Variants in HMGB1 observed in about 807,000 individuals in gnomAD.
The protein encoded by HMGB1 is high mobility group box 1.
For synonymous variants in HMGB1, 81 were observed against 84.0 expected (o/e 0.96, Z 0.19); for missense variants, 79 against 253.5 (o/e 0.31, Z 4.67).
rs550569536 is a variant in HMGB1, at chr13:30,503,600, C to T, written c.-14-39906G>A. 2.7e-5 allele frequency among the ~76,000 whole-genome samples: 4 copies of T among 147,894 alleles called. No individual in the cohort carries two copies. The South Asian group carries it at 6.4e-4, about 24-fold the overall frequency. On this transcript the variant is annotated intron_variant, in intron 1 of 4. Coordinates refer to the HMGB1 transcript ENST00000405805. Reference sequence around the variant, plus strand: ...TTGTTTAATTAGCCATCTTCATTTGCGGCTGCTATAATACAATTCTGTAGG... The same window carrying T: ...TTGTTTAATTAGCCATCTTCATTTGTGGCTGCTATAATACAATTCTGTAGG...
Position 30,493,654 on chromosome 13 carries a change from C to G in HMGB1, c.-14-29960G>C, listed in dbSNP as rs112049799. Among the ~76,000 whole-genome samples, 3 of 152,054 alleles carry G rather than the reference C, an allele frequency of 2.0e-5. No individual in the cohort carries two copies. In the South Asian group the frequency reaches 6.2e-4, roughly 32 times the overall value. ...ACAAAAATAAAAATGAAAAAATTAG[C>G]CAGGCGAGGCGCACACGCCTGTGGT... On this transcript the variant is annotated intron_variant, in intron 1 of 4. Coordinates refer to the HMGB1 transcript ENST00000405805.
intron 1 of HMGB1, among the ~76,000 whole-genome samples, chr13:30,506,829 TG>T (rs1887880063): frequency 6.6e-6 from 1 of 152,112 alleles, no homozygotes; most frequent in South Asian, 2.1e-4. Context: ...CACAGCTGTG[TG>T]GGTATCACCC....
At chr13:30,581,739 A>C (rs1047534280) in intron 1 of HMGB1, among the ~76,000 whole-genome samples, 1 of 152,156 alleles carries the variant, frequency 6.6e-6, no homozygotes, top group Non-Finnish European at 1.5e-5. Flanking sequence ...GAGGAGGGAG[A>C]CACCTGCAGG....
chr13:30,514,960 G>A (rs1463307483), intron 1 of HMGB1, among the ~76,000 whole-genome samples: 1 of 152,158 alleles, frequency 6.6e-6, no homozygotes, highest in Non-Finnish European at 1.5e-5. Flanking sequence ...TATGACGAGA[G>A]TTGACTCCCA....
chr13:30,471,618 G>A (rs1393926095), intron 1 of HMGB1, among the ~76,000 whole-genome samples: 5 of 130,266 alleles, frequency 3.8e-5, no homozygotes, highest in African/African-American at 1.4e-4. Flanking sequence ...GCCTCCCAAA[G>A]TGCTGGGATT....
chr13:30,505,872 A>G (rs1333142990), intron 1 of HMGB1, among the ~76,000 whole-genome samples: 2 of 151,944 alleles, frequency 1.3e-5, no homozygotes, highest in African/African-American at 4.8e-5. Flanking sequence ...TGAGGACATC[A>G]AGTAGACAGT....
At position 30,550,226 on chromosome 13, in the gene HMGB1, G is replaced by GTCA. The variant is rs113273628; in HGVS notation, c.-15+66442_-15+66444dup. ...AGGAGCTATGACATCCTTTTAGGAA[G>GTCA]TCATGTATGTTCATTTGTCCATTTG... On this transcript the variant is annotated intron_variant, in intron 1 of 4. Coordinates refer to the HMGB1 transcript ENST00000405805. 9.1e-3 allele frequency among the ~76,000 whole-genome samples: 1,377 copies of GTCA among 152,090 alleles called. 21 individuals carry two copies. The highest frequency in any genetic ancestry group is 0.031 in the African/African-American group (1,301 of 41,402).
chr13:30,471,626 A>AT (rs1191688872), intron 1 of HMGB1, among the ~76,000 whole-genome samples: 4 of 112,774 alleles, frequency 3.5e-5, no homozygotes, highest in African/African-American at 1.3e-4. Context: ...AAGTGCTGGG[A>AT]TTACAGGCAT....
intron 1 of HMGB1, among the ~76,000 whole-genome samples, chr13:30,536,825 T>A (rs1258079453): frequency 6.6e-6 from 1 of 152,132 alleles, no homozygotes; most frequent in Non-Finnish European, 1.5e-5. Context: ...GTCACCATAC[T>A]CTCCAACAGA....
At chr13:30,520,129 C>T (rs1454950347) in intron 1 of HMGB1, among the ~76,000 whole-genome samples, 4 of 152,178 alleles carry the variant, frequency 2.6e-5, no homozygotes, top group Non-Finnish European at 5.9e-5. Context: ...CGAGACCAGC[C>T]TGGCCAACAC....
At chr13:30,549,596 T>C (rs1869326875) in intron 1 of HMGB1, among the ~76,000 whole-genome samples, 1 of 152,124 alleles carries the variant, frequency 6.6e-6, no homozygotes, top group African/African-American at 2.4e-5. Context: ...GGCTTCACTA[T>C]GTTGCCCGGG....
rs963604906 is a variant in HMGB1, at chr13:30,461,160, T to C, written c.*197A>G. ...TGTACCAGGCAAGGTTAGTGGCTAT[T>C]GAAAATACCACCAGGACAGGGCTAT... On this transcript the variant is annotated 3_prime_UTR_variant, in exon 5 of 5. Coordinates refer to ENST00000341423, the MANE Select transcript of HMGB1 (RefSeq NM_002128.7). 1.3e-5 allele frequency: 17 copies of C among 1,333,710 alleles called. No homozygotes were observed. Among genetic ancestry groups the C allele is most frequent in the Non-Finnish European group, 1.4e-5 (15 of 1,036,336 alleles). The allele number at this position is 1,333,710 out of a possible 1,614,324, so 82.6% of individuals were successfully genotyped here. A position where few individuals can be genotyped will look rare whatever the true frequency, so the allele number is the denominator to read the frequency against.
intron 1 of HMGB1, among the ~76,000 whole-genome samples, chr13:30,512,088 A>T (rs1175611141): frequency 6.6e-6 from 1 of 151,940 alleles, no homozygotes; most frequent in Non-Finnish European, 1.5e-5. Flanking sequence ...CTGAGGCAGG[A>T]GGATCACTTG....
At chr13:30,539,660 G>A (rs909073473) in intron 1 of HMGB1, 2 of 271,918 alleles carry the variant, frequency 7.4e-6, no homozygotes, top group Non-Finnish European at 1.4e-5. Flanking sequence ...TGGTCCTGGA[G>A]TCTTCATGAA....
At chr13:30,464,317 C>T in intron 1 of HMGB1, 2 of 985,432 alleles carry the variant, frequency 2.0e-6, no homozygotes, top group Non-Finnish European at 1.2e-6. Context: ...AGATGTATTT[C>T]TGTTCTGACT....
At chr13:30,538,747 TTTTC>T (rs776704840) in intron 1 of HMGB1, among the ~76,000 whole-genome samples, 46 of 149,286 alleles carry the variant, frequency 3.1e-4, no homozygotes, top group South Asian at 1.0e-3. Flanking sequence ...TCTTTCTTCT[TTTTC>T]TTTCTTTCTC....
chr13:30,465,940 C>G (rs1686160833), upstream of HMGB1: 11 of 986,076 alleles, frequency 1.1e-5, no homozygotes, highest in Non-Finnish European at 1.3e-5. Context: ...TAACATTACT[C>G]TCCAGCCAGC....
Position 30,458,298 on chromosome 13 carries a change from G to C in HMGB1, c.*3059C>G, listed in dbSNP as rs1043762944. 6.7e-6 allele frequency: 1 copy of C among 148,830 alleles called. No individual in the cohort carries two copies. The highest frequency in any genetic ancestry group is 1.5e-5 in the Non-Finnish European group (1 of 67,602). The allele number at this position is 148,830 out of a possible 1,614,324, so 9.2% of individuals were successfully genotyped here. On this transcript the variant is annotated 3_prime_UTR_variant, in exon 5 of 5. Coordinates refer to ENST00000341423, the MANE Select transcript of HMGB1 (RefSeq NM_002128.7). ...TGATGTCAAGCAAGGCAGTACCCATGTATTTCATTCAAAAACCAGTTGTCT... is the reference window on the plus strand; with the variant it reads ...TGATGTCAAGCAAGGCAGTACCCATCTATTTCATTCAAAAACCAGTTGTCT...
chr13:30,615,732 G>C (rs1950554071), intron 1 of HMGB1, among the ~76,000 whole-genome samples: 1 of 152,134 alleles, frequency 6.6e-6, no homozygotes, highest in Non-Finnish European at 1.5e-5. Context: ...CCAAAGACTT[G>C]TATTGTGGTT....
Sources: gnomAD v4.1 joint callset for allele counts (sites outside exome capture counted in the v4.1 genomes callset) on GRCh38, gnomAD v4.1.1 for gene constraint, MANE v1.5 for transcripts, NCBI Gene and HGNC (gene_info 2026-07-23, HGNC 2026-07-21) for gene names.